Variants in NGDN observed in about 807,000 individuals in gnomAD.
NGDN encodes neuroguidin.
NGDN carries 41 observed loss-of-function variants against 45.2 expected under a neutral mutation model. The ratio of observed to expected loss-of-function variants is 0.91; its 90% CI spans 0.71 to 1.18. The LOEUF (loss-of-function observed/expected upper bound fraction) is 1.18, where lower values mean the gene tolerates loss of function less well. Ranked by LOEUF, NGDN falls within the 50% of genes most tolerant of loss-of-function variation. The pLI is 0.00. For synonymous variants in NGDN, 137 were observed against 130.9 expected (o/e 1.05, Z -0.32); for missense variants, 402 against 399.9 (o/e 1.01, Z -0.05).
rs765043148 is a variant in NGDN at position 23,477,243 on chromosome 14, A to G, written c.757A>G (p.Lys253Glu). The change falls in exon 9 of 11, where the codon AAG (lysine) becomes GAG (glutamate). Residue 253 changes from lysine (K) to glutamate (E), a missense_variant. Lys to Glu is a moderately conservative substitution (Grantham distance 56). Transcript: ENST00000408901. ...ESMMVRLSVS[K>E]REKGRRKRAN... ...CATGATGGTGCGTTTGAGCGTCAGT[A>G]AGCGAGAGAAAGGACGGCGAAAACG... is the stretch of plus-strand genomic sequence containing the variant. The G allele has an allele frequency of 6.2e-7, 1 of 1,614,202 alleles. No homozygotes were observed. The highest frequency in any genetic ancestry group is 2.2e-5 in the East Asian group (1 of 44,882).
intron 9 of NGDN, 41 bp downstream of exon 9, chr14:23,477,397 G>A: frequency 6.2e-7 from 1 of 1,613,032 alleles, no homozygotes; most frequent in Non-Finnish European, 8.5e-7. Context: ...TGACTTTCAT[G>A]CTTTCAGCAA....
At chr14:23,477,929 C>A in intron 10 of NGDN, 78 bp from the exon 11 acceptor site, 1 of 1,613,812 alleles carries the variant, frequency 6.2e-7, no homozygotes. Flanking sequence ...GAGCCCTTCC[C>A]TCTAGATGTC....
chr14:23,477,957 T>C, intron 10 of NGDN, 50 bp from the exon 11 acceptor site: 3 of 1,614,154 alleles, frequency 1.9e-6, no homozygotes, highest in Non-Finnish European at 2.5e-6. Flanking sequence ...CCTGTCCCTT[T>C]AGCTTTTCCA....
chr14:23,477,923 C>A lies in NGDN; in HGVS notation c.929-84C>A, dbSNP rs1331095616. 103 of 1,613,092 alleles carry A rather than the reference C, an allele frequency of 6.4e-5. 2 individuals are homozygous for A. In the South Asian group the frequency reaches 1.1e-3, roughly 18 times the overall value. ...CCTAGGAGACCCCACCCCTGTGAGCCCTTCCCTCTAGATGTCCTGTTTTCC... is the reference window on the plus strand; with the variant it reads ...CCTAGGAGACCCCACCCCTGTGAGCACTTCCCTCTAGATGTCCTGTTTTCC... On this transcript the variant is annotated intron_variant, in intron 10 of 10. Coordinates refer to ENST00000408901, the MANE Select transcript of NGDN (RefSeq NM_001042635.2).
intron 8 of NGDN, among the ~76,000 whole-genome samples, chr14:23,476,960 T>C (rs1011197109): frequency 6.6e-6 from 1 of 152,204 alleles, no homozygotes; most frequent in African/African-American, 2.4e-5. Flanking sequence ...TTAAATAATA[T>C]TGTGGATAGG....
chr14:23,472,822 T>G (rs1028827341), intron 3 of NGDN, among the ~76,000 whole-genome samples: 2 of 152,222 alleles, frequency 1.3e-5, no homozygotes, highest in East Asian at 3.8e-4. Context: ...TATATTCCCT[T>G]CTTGTCTTTA....
chr14:23,476,702 C>CT (rs1441084055), intron 8 of NGDN, among the ~76,000 whole-genome samples: 1 of 152,164 alleles, frequency 6.6e-6, no homozygotes, highest in Non-Finnish European at 1.5e-5. Flanking sequence ...CATAGTACAA[C>CT]TTTAAGATTC....
At position 23,475,296 on chromosome 14, in the gene NGDN, G is replaced by A. The variant is rs2236260; in HGVS notation, c.270G>A (p.Val90=). The change falls in exon 4 of 11, where the codon GTG becomes GTA. Residue 90 remains valine, a synonymous_variant. Coordinates refer to ENST00000408901, the MANE Select transcript of NGDN (RefSeq NM_001042635.2). The part of the protein sequence containing the change: ...LQGHDAVLRL[V]EIRTVLEKLR... ...GACATGATGCAGTTTTGAGACTGGT[G>A]GAGATTCGCACGGTATGAAGCATTT... The A allele has an allele frequency of 0.74, 1,191,877 of 1,609,370 alleles. 447,875 individuals are homozygous for A. The highest frequency in any genetic ancestry group is 0.77 in the Non-Finnish European group (908,027 of 1,177,152).
chr14:23,477,153 T>A (rs1037344261), intron 8 of NGDN, 47 bp from the exon 9 acceptor site: 1 of 1,595,506 alleles, frequency 6.3e-7, no homozygotes, highest in Admixed American at 1.7e-5. Context: ...GCTGGAGCTT[T>A]CCATCTCCAT....
intron 8 of NGDN, 29 bp from the exon 9 acceptor site, chr14:23,477,171 G>C: frequency 6.2e-7 from 1 of 1,612,274 alleles, no homozygotes; most frequent in Non-Finnish European, 8.5e-7. Flanking sequence ...CATGGTCTGA[G>C]CCTGCTGGAA....
chr14:23,477,721 C>G lies in NGDN; in HGVS notation c.928+161C>G. ...GGCTTTTATTTTTTGCTTTCCTGAGCTGGAAATCAGCATCATTCACAAAAT... is the reference window on the plus strand; with the variant it reads ...GGCTTTTATTTTTTGCTTTCCTGAGGTGGAAATCAGCATCATTCACAAAAT... On this transcript the variant is annotated intron_variant, in intron 10 of 10. Coordinates refer to ENST00000408901, the MANE Select transcript of NGDN (RefSeq NM_001042635.2). 4.8e-6 allele frequency: 7 copies of G among 1,465,088 alleles called. No individual in the cohort carries two copies. The South Asian group carries it at 1.0e-4, about 22-fold the overall frequency. The allele number at this position is 1,465,088 out of a possible 1,614,324, so 90.8% of individuals were successfully genotyped here.
At chr14:23,474,577 CT>C (rs1264392263) in intron 3 of NGDN, among the ~76,000 whole-genome samples, 5 of 151,970 alleles carry the variant, frequency 3.3e-5, no homozygotes, top group African/African-American at 1.2e-4. Context: ...ATATCCCCCC[CT>C]ACACACACAC....
Position 23,475,625 on chromosome 14 carries a change from C to T in NGDN, c.350C>T (p.Ala117Val), listed in dbSNP as rs1300704571. 1 of 1,614,176 alleles carries T rather than the reference C, an allele frequency of 6.2e-7. No homozygotes were observed. Among genetic ancestry groups the T allele is most frequent in the Non-Finnish European group, 8.5e-7 (1 of 1,180,006 alleles). ...CAAATTGACAAGCTGATCAAGACTG[C>T]AGTGACAGGCAGCCTTAGTAAGTGA... is the stretch of plus-strand genomic sequence containing the variant. ...KYQIDKLIKT[A>V]VTGSLSENDP... Residue 117 changes from alanine (A) to valine (V), a missense_variant, in exon 5 of 11, where the codon GCA (alanine) becomes GTA (valine). Coordinates refer to ENST00000408901, the MANE Select transcript of NGDN (RefSeq NM_001042635.2).
intron 3 of NGDN, among the ~76,000 whole-genome samples, chr14:23,472,329 T>C (rs953158931): frequency 6.6e-6 from 1 of 151,704 alleles, no homozygotes; most frequent in Non-Finnish European, 1.5e-5. Context: ...AACCCCATCT[T>C]TACTAAAAAT....
intron 3 of NGDN, among the ~76,000 whole-genome samples, chr14:23,472,385 G>C (rs1360593444): frequency 6.6e-6 from 1 of 151,646 alleles, no homozygotes; most frequent in Non-Finnish European, 1.5e-5. Context: ...CTGTAATCCC[G>C]GTTACTCGGG....
At chr14:23,475,059 G>T in intron 3 of NGDN, 112 bp from the exon 4 acceptor site, 2 of 1,115,624 alleles carry the variant, frequency 1.8e-6, no homozygotes, top group South Asian at 1.6e-5. Context: ...TACCTAATAT[G>T]AACTGATTGG....
chr14:23,470,528 A>G (rs1158940027), intron 2 of NGDN, among the ~76,000 whole-genome samples: 2 of 152,214 alleles, frequency 1.3e-5, no homozygotes, highest in African/African-American at 4.8e-5. Context: ...GACGGTTTCT[A>G]CCGAATGCAT....
intron 10 of NGDN, 24 bp from the exon 11 acceptor site, chr14:23,477,983 A>T (rs1325674325): frequency 5.0e-6 from 8 of 1,613,478 alleles, no homozygotes; most frequent in Non-Finnish European, 6.8e-6. Flanking sequence ...CCTTTGCCTC[A>T]TTCTTGGTTT....
chr14:23,470,584 G>A (rs1893752268), intron 2 of NGDN, among the ~76,000 whole-genome samples: 1 of 152,234 alleles, frequency 6.6e-6, no homozygotes, highest in South Asian at 2.1e-4. Flanking sequence ...CATAAGTCGG[G>A]GAGTTATGTA....
Sources: allele counts gnomAD v4.1 joint callset (sites outside exome capture counted in the v4.1 genomes callset), GRCh38; gene constraint gnomAD v4.1.1; transcripts MANE v1.5; gene names NCBI Gene and HGNC (gene_info 2026-07-23, HGNC 2026-07-21).